ALDH1L2: variants seen among roughly 807,000 people sequenced by gnomAD.
The protein encoded by ALDH1L2 is mitochondrial 10-formyltetrahydrofolate dehydrogenase.
ALDH1L2 carries 91 observed loss-of-function variants against 111.0 expected under a neutral mutation model. The ratio of observed to expected loss-of-function variants is 0.82; its 90% confidence interval spans 0.69 to 0.98. The LOEUF is 0.98. Among genes scored for constraint, ALDH1L2 ranks in the 50% least tolerant of loss-of-function variants. ALDH1L2 has a pLI of 0.00. For synonymous variants in ALDH1L2, 374 were observed against 392.6 expected, an observed-to-expected ratio of 0.95 and a Z score of 0.56; for missense variants, 995 against 1,126.8, an observed-to-expected ratio of 0.88 and a Z score of 1.67.
At position 105,034,324 on chromosome 12, in the gene ALDH1L2, G is replaced by A. The variant is rs772660154; in HGVS notation, c.2220C>T (p.Ile740=). The stretch of plus-strand genomic sequence containing the variant: ...CCACTCTTGTCACAAATTCGTCGTG[G>A]ATGGATTCTTCCACGAACAACCGCC... ...AAGRLFVEES[I]HDEFVTRVVE... Residue 740 remains isoleucine, a synonymous_variant, in exon 19 of 23, where the codon ATC becomes ATT. Transcript: ENST00000258494. 22 of 1,613,864 alleles carry A rather than the reference G, an allele frequency of 1.4e-5. No individual in the cohort carries two copies. Among genetic ancestry groups the A allele is most frequent in the South Asian group, 4.4e-5 (4 of 91,056 alleles).
In ALDH1L2 at chr12:105,030,396, A is replaced by G. The variant is rs1246670395; in HGVS notation, c.2444T>C (p.Val815Ala). ...FFMEPTVFTD[V>A]EDYMYLAKEE... ...TTTGGCGAGGTACATGTAGTCTTCC[A>G]CATCTGTGAACACGGTCGGCTCCAT... The change falls in exon 21 of 23, where the codon GTG becomes GCG. Residue 815 changes from valine to alanine, a missense_variant. Val to Ala is a moderately conservative substitution (Grantham distance 64). Coordinates refer to ENST00000258494, the MANE Select transcript of ALDH1L2 (RefSeq NM_001034173.4). 9.3e-6 allele frequency: 15 copies of G among 1,611,392 alleles called. No individual in the cohort carries two copies. Among genetic ancestry groups the G allele is most frequent in the Non-Finnish European group, 1.3e-5 (15 of 1,178,478 alleles).
intron 13 of ALDH1L2, among the ~76,000 whole-genome samples, chr12:105,048,846 C>T (rs1246140508): frequency 1.3e-5 from 2 of 152,116 alleles, no homozygotes; most frequent in East Asian, 3.9e-4. Flanking sequence ...GCCTGGCCAA[C>T]ATGGTGAAAC....
rs184519918 is a variant in ALDH1L2, at chr12:105,073,853, G to A, written c.193+8C>T. On this transcript the variant is annotated splice_region_variant and intron_variant, in intron 2 of 22. Coordinates refer to ENST00000258494, the MANE Select transcript of ALDH1L2 (RefSeq NM_001034173.4). ...ATTCTTGACCCAGTCATCCCAAGAT[G>A]CACTCACCCAGAGGGTCAGCTTTTC... is the stretch of plus-strand genomic sequence containing the variant. 16 of 1,613,964 alleles carry A rather than the reference G, an allele frequency of 9.9e-6. No homozygotes were observed. In the African/African-American group the frequency reaches 1.1e-4, roughly 11 times the overall value.
intron 10 of ALDH1L2, among the ~76,000 whole-genome samples, chr12:105,055,206 C>T (rs1016693002): frequency 9.9e-5 from 15 of 152,148 alleles, no homozygotes; most frequent in Non-Finnish European, 1.6e-4. Context: ...CCTGCTGGAG[C>T]ACTGAAGGTA....
chr12:105,024,501 G>A, intron 22 of ALDH1L2, 22 bp from the exon 23 acceptor site: 1 of 1,611,814 alleles, frequency 6.2e-7, no homozygotes, highest in Non-Finnish European at 8.5e-7. Flanking sequence ...AAAAGCAGTT[G>A]ACAGACCACA....
At chr12:105,040,057 C>T (rs1265510747) in intron 16 of ALDH1L2, among the ~76,000 whole-genome samples, 2 of 127,580 alleles carry the variant, frequency 1.6e-5, no homozygotes, top group Non-Finnish European at 3.1e-5. Context: ...ACCCAGGAGG[C>T]GGAGGTTGCA....
chr12:105,030,055 C>G (rs1014110797), intron 21 of ALDH1L2: 1 of 242,192 alleles, frequency 4.1e-6, no homozygotes, highest in Admixed American at 5.5e-5. Flanking sequence ...CTTTGTTCCA[C>G]AGACATCTCA....
intron 12 of ALDH1L2, chr12:105,050,416 T>C (rs1429453221): frequency 1.5e-5 from 3 of 199,512 alleles, no homozygotes; most frequent in South Asian, 1.8e-4. Flanking sequence ...GGCACAAAAA[T>C]ATTTCCAAAA....
At chr12:105,084,326 C>T in intron 1 of ALDH1L2, 63 bp downstream of exon 1, 1 of 1,488,186 alleles carries the variant, frequency 6.7e-7, no homozygotes, top group Non-Finnish European at 8.9e-7. Flanking sequence ...CCGGCCCTCC[C>T]GCCCCGGAGT....
chr12:105,080,811 A>G (rs1172389306), intron 1 of ALDH1L2, among the ~76,000 whole-genome samples: 3 of 152,234 alleles, frequency 2.0e-5, no homozygotes, highest in Admixed American at 1.3e-4. Context: ...TTCAGATTTC[A>G]AATGTTCAGA....
chr12:105,046,450 G>T (rs11112341), intron 15 of ALDH1L2, among the ~76,000 whole-genome samples: 54,769 of 150,860 alleles, frequency 0.36, 10,133 homozygotes, highest in South Asian at 0.5. Flanking sequence ...GAATTGGTTC[G>T]TAGAAAGTCA....
At chr12:105,075,566 C>G (rs565179091) in intron 1 of ALDH1L2, among the ~76,000 whole-genome samples, 2 of 152,280 alleles carry the variant, frequency 1.3e-5, no homozygotes, top group South Asian at 4.2e-4. Flanking sequence ...GCCTGGGCAA[C>G]AAGAGTGAAA....
chr12:105,066,645 C>T lies in ALDH1L2; in HGVS notation c.619G>A (p.Asp207Asn), dbSNP rs1877372358. ...AMVEAVQLIA[D>N]GKAPRIPQPE... ...TGGGGTATACGAGGAGCTTTTCCAT[C>T]AGCTATGAGTTGGACAGCTTCTACC... is the stretch of plus-strand genomic sequence containing the variant. Residue 207 changes from aspartate (D) to asparagine (N), a missense_variant, in exon 5 of 23, where the codon GAT becomes AAT. By Grantham distance (23) the Asp-to-Asn change is conservative. Coordinates refer to ENST00000258494, the MANE Select transcript of ALDH1L2 (RefSeq NM_001034173.4). The T allele has an allele frequency of 6.2e-7, 1 of 1,614,144 alleles. No individual in the cohort carries two copies. Among genetic ancestry groups the T allele is most frequent in the Non-Finnish European group, 8.5e-7 (1 of 1,180,022 alleles).
intron 17 of ALDH1L2, among the ~76,000 whole-genome samples, chr12:105,039,301 TA>T (rs1875379492): frequency 6.8e-6 from 1 of 148,066 alleles, no homozygotes; most frequent in South Asian, 2.3e-4. Flanking sequence ...TTTGGACATT[TA>T]GATTGCTTAC....
At chr12:105,048,478 A>C (rs570857094) in intron 13 of ALDH1L2, 1 of 152,252 alleles carries the variant, frequency 6.6e-6, no homozygotes, top group African/African-American at 2.4e-5. Flanking sequence ...AATTCCTCTT[A>C]CCACTCCCCC....
chr12:105,061,449 C>G (rs1450126497), intron 8 of ALDH1L2, among the ~76,000 whole-genome samples, 178 bp downstream of exon 8: 1 of 152,146 alleles, frequency 6.6e-6, no homozygotes, highest in Non-Finnish European at 1.5e-5. Context: ...TGTGAAAAAT[C>G]AGTTTGTATA....
At chr12:105,066,730 G>T in intron 4 of ALDH1L2, 61 bp from the exon 5 acceptor site, 1 of 1,429,354 alleles carries the variant, frequency 7.0e-7, no homozygotes, top group South Asian at 1.2e-5. Flanking sequence ...TGGTCTATTT[G>T]ACTAAAGTTT....
At chr12:105,040,783 A>G in intron 15 of ALDH1L2, 89 bp from the exon 16 acceptor site, 1 of 1,009,500 alleles carries the variant, frequency 9.9e-7, no homozygotes, top group South Asian at 1.4e-5. Context: ...GCTGCACTAG[A>G]TCTCATTTTA....
intron 12 of ALDH1L2, among the ~76,000 whole-genome samples, chr12:105,051,338 G>T (rs1229434077): frequency 6.6e-6 from 1 of 152,144 alleles, no homozygotes; most frequent in East Asian, 1.9e-4. Context: ...GGAAAAAGTG[G>T]CTGGGGAGTT....
Sources: gnomAD v4.1 joint callset for allele counts (sites outside exome capture counted in the v4.1 genomes callset) on GRCh38, gnomAD v4.1.1 for gene constraint, MANE v1.5 for transcripts, NCBI Gene and HGNC (gene_info 2026-07-23, HGNC 2026-07-21) for gene names.